The following LYPD6 variants were observed in gnomAD, a reference collection of about 807,000 sequenced individuals.
LYPD6 encodes ly6/PLAUR domain-containing protein 6.
In LYPD6, 15 loss-of-function variants were observed where a neutral mutation model predicts 22.7. The observed-to-expected ratio is 0.66, with a 90% CI of 0.44 to 1.02. The LOEUF (loss-of-function observed/expected upper bound fraction) is 1.02, where lower values mean the gene tolerates loss of function less well. Ranked by LOEUF, LYPD6 falls within the 50% of genes least tolerant of loss-of-function variation. The pLI, the probability that LYPD6 is intolerant of heterozygous loss-of-function variation, is 0.00. For synonymous variants in LYPD6, 72 were observed against 77.5 expected, an observed-to-expected ratio of 0.93 and a Z score of 0.37; for missense variants, 189 against 208.4, an observed-to-expected ratio of 0.91 and a Z score of 0.57.
At chr2:149,474,745 C>T (rs1223357323), downstream of LYPD6, among the ~76,000 whole-genome samples, 1 of 152,022 alleles carries the variant, frequency 6.6e-6, no homozygotes, top group Non-Finnish European at 1.5e-5. Flanking sequence ...TACAGACTTA[C>T]ATGTTTACTT....
In LYPD6 at chr2:149,375,991, C is replaced by T. The variant is rs117669538; in HGVS notation, c.-72+45269C>T. ...GTGCATAAGCCAAGTGTTATTTTAG[C>T]CTGAGAGAAGGCAGCTGAACTGGAG... On this transcript the variant is annotated intron_variant, in intron 1 of 4. Transcript: ENST00000334166. Among the ~76,000 whole-genome samples, 80 of 152,306 alleles carry T rather than the reference C, an allele frequency of 5.3e-4. No homozygotes were observed. The East Asian group carries it at 7.3e-3, about 14-fold the overall frequency.
chr2:149,467,609 A>G (rs1478536347), intron 3 of LYPD6, among the ~76,000 whole-genome samples: 1 of 152,182 alleles, frequency 6.6e-6, no homozygotes, highest in Non-Finnish European at 1.5e-5. Context: ...TTGCCTAATA[A>G]ATAATCTCAT....
intron 1 of LYPD6, among the ~76,000 whole-genome samples, chr2:149,398,269 A>G (rs1349246545): frequency 6.6e-6 from 1 of 151,872 alleles, no homozygotes; most frequent in African/African-American, 2.4e-5. Flanking sequence ...TCTCTTCCAT[A>G]TACTCCTTTT....
chr2:149,417,382 T>A (rs1020619580), intron 1 of LYPD6, among the ~76,000 whole-genome samples: 9 of 152,150 alleles, frequency 5.9e-5, no homozygotes, highest in Non-Finnish European at 1.2e-4. Context: ...CCTATATTAT[T>A]AGATCTTTTA....
intron 1 of LYPD6, among the ~76,000 whole-genome samples, chr2:149,368,823 T>C (rs1681738868): frequency 6.6e-6 from 1 of 152,054 alleles, no homozygotes; most frequent in Admixed American, 6.5e-5. Flanking sequence ...GACAGGGTGA[T>C]GGCACTGGTT....
intron 1 of LYPD6, among the ~76,000 whole-genome samples, chr2:149,366,544 A>G (rs2105073049): frequency 6.6e-6 from 1 of 152,300 alleles, no homozygotes; most frequent in East Asian, 1.9e-4. Context: ...AGAGCCAGAG[A>G]AAAAGAACAA....
chr2:149,341,462 T>A (rs1681160086), intron 1 of LYPD6, among the ~76,000 whole-genome samples: 1 of 152,196 alleles, frequency 6.6e-6, no homozygotes, highest in South Asian at 2.1e-4. Context: ...TAGTCTTATT[T>A]CTCATGGATG....
the LYPD6 span, among the ~76,000 whole-genome samples, chr2:149,479,213 AC>A: frequency 6.6e-6 from 1 of 152,140 alleles, no homozygotes; most frequent in East Asian, 1.9e-4. Context: ...TCCATGAACC[AC>A]CCACCCCAGA....
At chr2:149,369,000 A>G (rs1240419872) in intron 1 of LYPD6, among the ~76,000 whole-genome samples, 1 of 152,130 alleles carries the variant, frequency 6.6e-6, no homozygotes, top group Non-Finnish European at 1.5e-5. Flanking sequence ...ATCTGAGCAG[A>G]GATGAGCAGT....
At chr2:149,402,463 ACT>A (rs1682581614) in intron 1 of LYPD6, among the ~76,000 whole-genome samples, 2 of 152,288 alleles carry the variant, frequency 1.3e-5, no homozygotes, top group South Asian at 4.1e-4. Flanking sequence ...GAATCTCCAC[ACT>A]GTTTTCCATA....
chr2:149,432,637 G>A (rs1343134124), intron 1 of LYPD6, among the ~76,000 whole-genome samples: 1 of 152,154 alleles, frequency 6.6e-6, no homozygotes, highest in African/African-American at 2.4e-5. Context: ...TACCGTTGTG[G>A]TGTCATTTGA....
At chr2:149,393,026 A>G (rs1397721281) in intron 1 of LYPD6, among the ~76,000 whole-genome samples, 1 of 152,220 alleles carries the variant, frequency 6.6e-6, no homozygotes, top group Non-Finnish European at 1.5e-5. Flanking sequence ...ACTCCATCTC[A>G]CAAAGAAAGA....
intron 1 of LYPD6, among the ~76,000 whole-genome samples, chr2:149,436,917 G>A (rs1388072391): frequency 1.3e-5 from 2 of 152,204 alleles, no homozygotes; most frequent in East Asian, 3.9e-4. Flanking sequence ...TCAGTCTTAA[G>A]AACAAAGAAT....
chr2:149,394,331 C>T (rs866065321), intron 1 of LYPD6, among the ~76,000 whole-genome samples: 27 of 152,192 alleles, frequency 1.8e-4, no homozygotes, highest in East Asian at 1.5e-3. Flanking sequence ...CAGGTGATCA[C>T]GGACCTCTGA....
At chr2:149,384,692 C>T (rs753739459) in intron 1 of LYPD6, among the ~76,000 whole-genome samples, 3 of 152,032 alleles carry the variant, frequency 2.0e-5, no homozygotes, top group Admixed American at 6.6e-5. Flanking sequence ...TTCCCTTACT[C>T]CTCTCCAGGC....
the LYPD6 span, among the ~76,000 whole-genome samples, chr2:149,479,385 T>C: frequency 6.6e-6 from 1 of 152,162 alleles, no homozygotes; most frequent in Non-Finnish European, 1.5e-5. Flanking sequence ...TGACAAATAA[T>C]CTCTCCCCCT....
intron 1 of LYPD6, among the ~76,000 whole-genome samples, chr2:149,356,823 G>A (rs1039897264): frequency 7.2e-5 from 11 of 152,162 alleles, no homozygotes; most frequent in African/African-American, 2.4e-4. Context: ...CTTGTCTACT[G>A]TAGGAGATAT....
At chr2:149,369,348 A>G (rs72991474) in intron 1 of LYPD6, among the ~76,000 whole-genome samples, 3,402 of 152,188 alleles carry the variant, frequency 0.022, 99 homozygotes, top group African/African-American at 0.077. Context: ...ATATTGCAGC[A>G]AGGCTGTTCC....
chr2:149,445,492 T>C lies in LYPD6; in HGVS notation c.119-3557T>C, dbSNP rs192599635. Among the ~76,000 whole-genome samples the C allele has an allele frequency of 3.1e-4, 47 of 152,356 alleles. No homozygotes were observed. The East Asian group carries it at 9.1e-3, about 29-fold the overall frequency. On this transcript the variant is annotated intron_variant, in intron 2 of 4. Transcript: ENST00000334166. ...GTTTTGTCTACACTGAAAATCTGTTTAGTGTCATCATCTTCAGTGATCGTA... is the reference window on the plus strand; with the variant it reads ...GTTTTGTCTACACTGAAAATCTGTTCAGTGTCATCATCTTCAGTGATCGTA...
Sources: allele counts gnomAD v4.1 joint callset (sites outside exome capture counted in the v4.1 genomes callset), GRCh38; gene constraint gnomAD v4.1.1; transcripts MANE v1.5; gene names NCBI Gene and HGNC (gene_info 2026-07-23, HGNC 2026-07-21).